TOX2: variants seen among roughly 807,000 people sequenced by gnomAD.
TOX2 encodes TOX high mobility group box family member 2.
Under a neutral mutation model 47.4 loss-of-function variants are expected in TOX2, and 15 were observed. The observed-to-expected ratio is 0.32, with a 90% confidence interval of 0.21 to 0.49. The LOEUF (loss-of-function observed/expected upper bound fraction) is 0.49. Ranked by LOEUF, TOX2 falls within the 20% of genes least tolerant of loss-of-function variation. The probability of loss-of-function intolerance (pLI) is 0.99; values close to 1 mark genes in which losing one functional copy is unlikely to be tolerated. For synonymous variants in TOX2, 290 were observed against 296.6 expected (o/e 0.98, Z 0.23); for missense variants, 622 against 673.1 (o/e 0.92, Z 0.84).
At chr20:43,928,214 C>G (rs1440479191) in intron 1 of TOX2, among the ~76,000 whole-genome samples, 1 of 152,226 alleles carries the variant, frequency 6.6e-6, no homozygotes, top group Non-Finnish European at 1.5e-5. Flanking sequence ...TTTATTATCT[C>G]TGACTTCAGT....
intron 1 of TOX2, among the ~76,000 whole-genome samples, chr20:43,951,054 A>G (rs552653532): frequency 6.6e-6 from 1 of 152,108 alleles, no homozygotes; most frequent in Non-Finnish European, 1.5e-5. Context: ...TTCTGGCCCC[A>G]TGATTGACCT....
rs1555842268 is a variant in TOX2 at position 44,026,228 on chromosome 20, G to GAGAGATATATATATATAT, written c.411+19437_411+19438insGAGATATATATATATATA. ...TCGATCGAGTGGATAAAGAAACTGT[G>GAGAGATATATATATATAT]ATATATATATATATATATATAGACA... On this transcript the variant is annotated intron_variant, in intron 3 of 8. Coordinates refer to ENST00000341197, the MANE Select transcript of TOX2 (RefSeq NM_001098797.2). Among the ~76,000 whole-genome samples the GAGAGATATATATATATAT allele has an allele frequency of 1.0e-4, 6 of 60,244 alleles. 1 individual carries two copies. Among genetic ancestry groups the GAGAGATATATATATATAT allele is most frequent in the Non-Finnish European group, 1.9e-4 (6 of 32,244 alleles). 39.5% of individuals were successfully genotyped at this position (60,244 alleles called of 152,430 possible). A position where few individuals can be genotyped will look rare whatever the true frequency, so the allele number is the denominator to read the frequency against.
chr20:43,919,415 T>C (rs894303969), intron 1 of TOX2, among the ~76,000 whole-genome samples: 14 of 152,194 alleles, frequency 9.2e-5, no homozygotes, highest in African/African-American at 3.1e-4. Context: ...TGGGGCTGGT[T>C]TGTGATTGTT....
At chr20:43,995,230 C>T (rs1174580277) in intron 2 of TOX2, among the ~76,000 whole-genome samples, 5 of 152,004 alleles carry the variant, frequency 3.3e-5, no homozygotes, top group East Asian at 1.9e-4. Context: ...TGGTGAGACT[C>T]GAATCAGAAA....
intron 3 of TOX2, among the ~76,000 whole-genome samples, chr20:44,049,689 G>A (rs2071474872): frequency 6.6e-6 from 1 of 152,034 alleles, no homozygotes; most frequent in South Asian, 2.1e-4. Context: ...TCCCCTCCCT[G>A]TGTCTAAGCG....
chr20:44,008,229 T>C (rs6065685), intron 3 of TOX2, among the ~76,000 whole-genome samples: 29,684 of 151,624 alleles, frequency 0.2, 3,652 homozygotes, highest in Middle Eastern at 0.3. Context: ...ATCATAAGGG[T>C]CCTGAATCCC....
chr20:44,068,575 A>G, intron 8 of TOX2, 75 bp from the exon 9 acceptor site: 1 of 1,514,534 alleles, frequency 6.6e-7, no homozygotes, highest in Non-Finnish European at 8.9e-7. Context: ...TGGGGCGTAC[A>G]GTGCAGGGGT....
At chr20:44,044,226 A>G (rs779808878) in intron 3 of TOX2, among the ~76,000 whole-genome samples, 12 of 152,144 alleles carry the variant, frequency 7.9e-5, no homozygotes, top group Non-Finnish European at 1.6e-4. Context: ...GAATTGAACA[A>G]TGAGAACACT....
intron 1 of TOX2, among the ~76,000 whole-genome samples, chr20:43,949,805 A>T (rs563278351): frequency 6.6e-6 from 1 of 152,056 alleles, no homozygotes; most frequent in Non-Finnish European, 1.5e-5. Context: ...CGCTTCTGTC[A>T]TTGTCCTCCC....
intron 3 of TOX2, among the ~76,000 whole-genome samples, chr20:44,026,974 C>A (rs2071077938): frequency 6.6e-6 from 1 of 152,220 alleles, no homozygotes. Flanking sequence ...ACAGGCAACA[C>A]TTTTCTCGAG....
At chr20:44,051,618 G>A in intron 4 of TOX2, 73 bp downstream of exon 4, 1 of 1,511,684 alleles carries the variant, frequency 6.6e-7, no homozygotes, top group Non-Finnish European at 8.9e-7. Context: ...GGGGAAATGG[G>A]CATCACCTCC....
At chr20:43,968,383 G>A (rs1451187062) in intron 1 of TOX2, among the ~76,000 whole-genome samples, 1 of 152,208 alleles carries the variant, frequency 6.6e-6, no homozygotes, top group Admixed American at 6.5e-5. Context: ...TCTAAGATCA[G>A]GGCTCCTCAC....
intron 1 of TOX2, among the ~76,000 whole-genome samples, chr20:43,963,551 A>G (rs184283778): frequency 6.6e-5 from 10 of 152,340 alleles, no homozygotes; most frequent in African/African-American, 1.9e-4. Context: ...GACTCAGCTC[A>G]GGCAGGTCTT....
At chr20:43,933,490 T>C (rs1049790064) in intron 1 of TOX2, among the ~76,000 whole-genome samples, 3 of 152,100 alleles carry the variant, frequency 2.0e-5, no homozygotes, top group Admixed American at 1.3e-4. Flanking sequence ...AAGGGCTAGA[T>C]GTTGCTGCTC....
chr20:43,926,890 G>T (rs950515480), intron 1 of TOX2, among the ~76,000 whole-genome samples: 7 of 152,312 alleles, frequency 4.6e-5, no homozygotes, highest in East Asian at 1.9e-4. Context: ...AACAGTCTCC[G>T]CAGTGGTCCA....
chr20:44,004,880 T>C (rs2070651843), intron 2 of TOX2, among the ~76,000 whole-genome samples: 2 of 152,244 alleles, frequency 1.3e-5, no homozygotes, highest in African/African-American at 2.4e-5. Flanking sequence ...TATTTCTTGA[T>C]TGATTTAAGA....
chr20:43,955,300 G>A (rs2069648499), intron 1 of TOX2: 2 of 985,312 alleles, frequency 2.0e-6, no homozygotes, highest in African/African-American at 1.7e-5. Flanking sequence ...ACCCTCCTGG[G>A]TCACAGGAGG....
At chr20:44,064,022 G>A (rs2071766928) in intron 5 of TOX2, among the ~76,000 whole-genome samples, 1 of 152,118 alleles carries the variant, frequency 6.6e-6, no homozygotes, top group African/African-American at 2.4e-5. Flanking sequence ...TGGTAGTGAA[G>A]GATAAAAGAC....
intron 1 of TOX2, among the ~76,000 whole-genome samples, chr20:43,928,012 G>C (rs1471900340): frequency 6.6e-6 from 1 of 152,142 alleles, no homozygotes; most frequent in African/African-American, 2.4e-5. Context: ...GGCTAGGCTG[G>C]GGACAGTCAG....
Sources: allele counts gnomAD v4.1 joint callset (sites outside exome capture counted in the v4.1 genomes callset), GRCh38; gene constraint gnomAD v4.1.1; transcripts MANE v1.5; gene names NCBI Gene and HGNC (gene_info 2026-07-23, HGNC 2026-07-21).